MIA2: variants seen among roughly 807,000 people sequenced by gnomAD.
MIA2 encodes melanoma inhibitory activity protein 2.
A neutral mutation model predicts 167.8 loss-of-function variants in MIA2; 127 were observed. The observed-to-expected ratio is 0.76, with a 90% CI of 0.66 to 0.88. MIA2 has a LOEUF of 0.88. MIA2 is among the 40% of genes least tolerant of loss of function. The pLI is 0.00. For synonymous variants in MIA2, 552 were observed against 541.9 expected, an observed-to-expected ratio of 1.02 and a Z score of -0.26; for missense variants, 1,690 against 1,624.7, an observed-to-expected ratio of 1.04 and a Z score of -0.69.
At position 39,348,841 on chromosome 14, in the gene MIA2, T is replaced by G. The variant is rs758738562; in HGVS notation, c.3936T>G (p.Phe1312Leu). 6.2e-6 allele frequency: 10 copies of G among 1,614,044 alleles called. No individual in the cohort carries two copies. The South Asian group carries it at 8.8e-5, about 14-fold the overall frequency. The change falls in exon 28 of 29, where the codon TTT (phenylalanine) becomes TTG (leucine). Residue 1312 changes from phenylalanine (F) to leucine (L), a missense_variant. By Grantham distance (22) the Phe-to-Leu change is conservative (BLOSUM62 0). Transcript: ENST00000640607. ...PPLAPIRGPL[F>L]PVDARGPFLR... ...TTGCTCCAATCAGAGGTCCATTGTT[T>G]CCAGTGGATGCAAGAGGCCCATTCT...
Position 39,283,132 on chromosome 14 carries a change from G to A in MIA2, c.2130+3595G>A, listed in dbSNP as rs578205325. On this transcript the variant is annotated intron_variant, in intron 9 of 28. Transcript: ENST00000640607. ...AATATATACCACAGTTTCTTTATTC[G>A]TTTGTTCATTGATAGATACCTAGGT... Among the ~76,000 whole-genome samples, 12 of 152,134 alleles carry A rather than the reference G, an allele frequency of 7.9e-5. No individual in the cohort carries two copies. The East Asian group carries it at 1.3e-3, about 17-fold the overall frequency.
Position 39,244,197 on chromosome 14 carries a change from T to G in MIA2, c.337-2714T>G, listed in dbSNP as rs115080912. Among the ~76,000 whole-genome samples the G allele has an allele frequency of 9.8e-3, 1,498 of 152,302 alleles. 24 individuals carry two copies. Among genetic ancestry groups the G allele is most frequent in the African/African-American group, 0.034 (1,416 of 41,566 alleles). ...GAGGAGGAAAAATTAGAGTAATAAT[T>G]TTAGATTATATGGCTGGCTTTGGAG... On this transcript the variant is annotated intron_variant, in intron 3 of 28. Transcript: ENST00000640607.
At chr14:39,341,401 A>G (rs7150818) in intron 25 of MIA2, among the ~76,000 whole-genome samples, 130 of 152,322 alleles carry the variant, frequency 8.5e-4, no homozygotes, top group African/African-American at 3.0e-3. Context: ...AGAAGGGGAA[A>G]TTAATGATGT....
At chr14:39,315,063 A>G (rs970438163) in intron 20 of MIA2, 8 of 287,352 alleles carry the variant, frequency 2.8e-5, no homozygotes, top group Non-Finnish European at 5.0e-5. Context: ...TGGGTGGATC[A>G]CTTGAGGTCA....
In MIA2 at chr14:39,350,108, C is replaced by G. The variant is rs149344167; in HGVS notation, c.4083C>G (p.Val1361=). ...PPPAPFAMRN[V]YPPRGFPPYL... ...AATCTCTTTGAACAGTGAGAAATGTCTATCCACCGAGGGGTTTTCCTCCTT... is the reference window on the plus strand; with the variant it reads ...AATCTCTTTGAACAGTGAGAAATGTGTATCCACCGAGGGGTTTTCCTCCTT... The change falls in exon 29 of 29, where the codon GTC becomes GTG. Residue 1361 remains valine, a synonymous_variant. Coordinates refer to ENST00000640607, the MANE Select transcript of MIA2 (RefSeq NM_001329214.4). 7.1e-5 allele frequency: 93 copies of G among 1,316,636 alleles called. No homozygotes were observed. The highest frequency in any genetic ancestry group is 9.4e-5 in the Non-Finnish European group (89 of 951,848). 81.6% of individuals were successfully genotyped at this position (1,316,636 alleles called of 1,614,324 possible).
intron 20 of MIA2, 77 bp downstream of exon 20, chr14:39,314,876 T>C: frequency 9.0e-7 from 1 of 1,116,660 alleles, no homozygotes; most frequent in South Asian, 2.6e-5. Context: ...TTTCTTTGAA[T>C]TGATGCAGGA....
At chr14:39,251,171 T>C (rs1384727919) in intron 4 of MIA2, among the ~76,000 whole-genome samples, 1 of 152,140 alleles carries the variant, frequency 6.6e-6, no homozygotes, top group Non-Finnish European at 1.5e-5. Flanking sequence ...TGTGAAAGGC[T>C]CAGACTTGAG....
chr14:39,343,020 G>A (rs1705416183), intron 25 of MIA2, among the ~76,000 whole-genome samples: 1 of 152,088 alleles, frequency 6.6e-6, no homozygotes, highest in African/African-American at 2.4e-5. Context: ...CATTTAGAGT[G>A]TCTCCAATAT....
At chr14:39,324,459 G>A (rs1415479992) in intron 24 of MIA2, among the ~76,000 whole-genome samples, 1 of 152,196 alleles carries the variant, frequency 6.6e-6, no homozygotes, top group East Asian at 1.9e-4. Context: ...ACTAAAGGGA[G>A]TAGATGGAAA....
chr14:39,374,345 A>AT (rs1411060289), intron 23 of MIA2, among the ~76,000 whole-genome samples: 3 of 152,368 alleles, frequency 2.0e-5, no homozygotes, highest in African/African-American at 7.2e-5. Flanking sequence ...CCAGCAGGAC[A>AT]AATTACCTAT....
chr14:39,236,695 A>G (rs1369814145), intron 1 of MIA2, among the ~76,000 whole-genome samples: 1 of 152,168 alleles, frequency 6.6e-6, no homozygotes, highest in Non-Finnish European at 1.5e-5. Flanking sequence ...GGTCCTTTCA[A>G]ATAGAGAAAG....
chr14:39,346,168 A>G (rs2073207274), intron 26 of MIA2, 142 bp downstream of exon 26: 2 of 714,106 alleles, frequency 2.8e-6, no homozygotes, highest in Admixed American at 2.6e-5. Context: ...TCCTGGTTTT[A>G]TGTTTCTTGT....
chr14:39,305,172 G>T (rs918150271), intron 17 of MIA2, among the ~76,000 whole-genome samples: 2 of 152,192 alleles, frequency 1.3e-5, no homozygotes, highest in African/African-American at 4.8e-5. Context: ...AAAGATAGAG[G>T]TTATTAAAAA....
intron 14 of MIA2, 119 bp downstream of exon 14, chr14:39,300,105 G>A (rs1047498537): frequency 3.8e-6 from 5 of 1,310,168 alleles, no homozygotes; most frequent in African/African-American, 3.0e-5. Context: ...AACATATTTG[G>A]CCAGATTTTC....
At chr14:39,301,066 ACACACACACACG>A (rs1431051732) in intron 14 of MIA2, among the ~76,000 whole-genome samples, 2 of 112,352 alleles carry the variant, frequency 1.8e-5, no homozygotes, top group East Asian at 2.5e-4. Context: ...ACACACACAC[ACACACACACACG>A]AGATGGACTT....
intron 18 of MIA2, among the ~76,000 whole-genome samples, chr14:39,312,902 TGTGTGC>T (rs1198058214): frequency 3.2e-4 from 48 of 152,164 alleles, no homozygotes; most frequent in African/African-American, 1.1e-3. Flanking sequence ...TGTGTGTGTG[TGTGTGC>T]GTGTGTGTTT....
intron 24 of MIA2, among the ~76,000 whole-genome samples, chr14:39,322,539 C>CAA (rs541740480): frequency 1.7e-4 from 13 of 78,164 alleles, no homozygotes; most frequent in South Asian, 1.2e-3. Context: ...GACTCCGTCT[C>CAA]AAAAAAAAAA....
At chr14:39,236,403 T>C (rs1324473473) in intron 1 of MIA2, among the ~76,000 whole-genome samples, 1 of 152,024 alleles carries the variant, frequency 6.6e-6, no homozygotes, top group Non-Finnish European at 1.5e-5. Context: ...TCAGGGCAAA[T>C]TGGGCTCCAC....
chr14:39,263,358 G>A (rs1433697881), intron 6 of MIA2, among the ~76,000 whole-genome samples: 1 of 151,202 alleles, frequency 6.6e-6, no homozygotes, highest in African/African-American at 2.4e-5. Flanking sequence ...GCATCCCAGG[G>A]ATAAAGCCAA....
Sources: gnomAD v4.1 joint callset for allele counts (sites outside exome capture counted in the v4.1 genomes callset) on GRCh38, gnomAD v4.1.1 for gene constraint, MANE v1.5 for transcripts, NCBI Gene and HGNC (gene_info 2026-07-23, HGNC 2026-07-21) for gene names.